The following PIBF1 variants were observed in gnomAD, a reference collection of about 807,000 sequenced individuals.
PIBF1 encodes the protein progesterone-induced-blocking factor 1.
PIBF1 carries 90 observed loss-of-function variants against 112.5 expected under a neutral mutation model. The ratio of observed to expected loss-of-function variants is 0.80; its 90% confidence interval spans 0.67 to 0.95. PIBF1 has a LOEUF of 0.95. PIBF1 is among the 40% of genes least tolerant of loss of function. The probability of loss-of-function intolerance (pLI) is 0.00; values close to 1 mark genes in which losing one functional copy is unlikely to be tolerated. For synonymous variants in PIBF1, 301 were observed against 288.6 expected, an observed-to-expected ratio of 1.04 and a Z score of -0.44; for missense variants, 915 against 852.3, an observed-to-expected ratio of 1.07 and a Z score of -0.92.
At chr13:72,966,474 T>C (rs1426951609) in intron 15 of PIBF1, among the ~76,000 whole-genome samples, 1 of 152,164 alleles carries the variant, frequency 6.6e-6, no homozygotes, top group African/African-American at 2.4e-5. Context: ...AATAATAAAT[T>C]AATTGTTCTA....
intron 14 of PIBF1, among the ~76,000 whole-genome samples, chr13:72,948,908 G>T (rs894492840): frequency 1.3e-5 from 2 of 152,130 alleles, no homozygotes; most frequent in African/African-American, 4.8e-5. Context: ...CCTCCCACCA[G>T]GTTCTTCTGA....
At chr13:72,918,996 G>A (rs866151637) in intron 13 of PIBF1, among the ~76,000 whole-genome samples, 2 of 152,118 alleles carry the variant, frequency 1.3e-5, no homozygotes, top group Non-Finnish European at 2.9e-5. Context: ...GAGCTACCAC[G>A]CCGTGCCAAC....
chr13:72,860,951 C>G (rs930340061), intron 10 of PIBF1, among the ~76,000 whole-genome samples: 1 of 152,072 alleles, frequency 6.6e-6, no homozygotes, highest in Non-Finnish European at 1.5e-5. Context: ...TGCATGTACT[C>G]CTAAGATTCT....
At chr13:72,859,379 C>G (rs2038591770) in intron 10 of PIBF1, among the ~76,000 whole-genome samples, 2 of 152,014 alleles carry the variant, frequency 1.3e-5, no homozygotes, top group Admixed American at 1.3e-4. Context: ...AATTCAAGGC[C>G]AGGTAAATGG....
At chr13:72,877,729 C>G (rs1475374035) in intron 10 of PIBF1, among the ~76,000 whole-genome samples, 2 of 150,428 alleles carry the variant, frequency 1.3e-5, no homozygotes, top group African/African-American at 4.9e-5. Flanking sequence ...ACCACTGTTT[C>G]ATTTCTTTTT....
chr13:72,965,218 T>C (rs2042708379), intron 14 of PIBF1, 56 bp from the exon 15 acceptor site: 2 of 1,483,418 alleles, frequency 1.3e-6, no homozygotes, highest in Non-Finnish European at 1.9e-6. Context: ...GCATTTTGAA[T>C]GATTTTATTT....
At chr13:72,917,018 C>A in intron 12 of PIBF1, 58 bp from the exon 13 acceptor site, 1 of 1,108,646 alleles carries the variant, frequency 9.0e-7, no homozygotes, top group East Asian at 2.6e-5. Flanking sequence ...TCACTTCTGC[C>A]ATCTTTTTTA....
intron 10 of PIBF1, chr13:72,881,018 A>G (rs184015657): frequency 6.6e-6 from 1 of 152,330 alleles, no homozygotes; most frequent in East Asian, 1.9e-4. Flanking sequence ...TAAAGCAACT[A>G]GACAAGGAAA....
At position 72,797,885 on chromosome 13, in the gene PIBF1, TATTA is replaced by T. The variant is rs2035273124; in HGVS notation, c.553-18_553-15del. 2.6e-6 allele frequency: 4 copies of T among 1,566,360 alleles called. No homozygotes were observed. The highest frequency in any genetic ancestry group is 1.2e-5 in the South Asian group (1 of 83,290). ...ATTGTAATTTGGATTTAAGACTGCT[TATTA>T]ATTTAATTTTTTTCAAGGTTCGCTT... On this transcript the variant is annotated intron_variant, in intron 4 of 17. Transcript: ENST00000326291.
intron 9 of PIBF1, among the ~76,000 whole-genome samples, chr13:72,839,505 TAGAG>T (rs2037509406): frequency 6.6e-6 from 1 of 152,174 alleles, no homozygotes; most frequent in Admixed American, 6.5e-5. Flanking sequence ...ATCTGGGAAT[TAGAG>T]AGGCCTGTGG....
chr13:72,855,641 T>G (rs1213210188), intron 10 of PIBF1, among the ~76,000 whole-genome samples: 4 of 152,040 alleles, frequency 2.6e-5, no homozygotes, highest in Non-Finnish European at 5.9e-5. Context: ...AGAGTGAGAC[T>G]CTGTCTCAAA....
At chr13:72,818,578 A>G (rs1023706981) in intron 5 of PIBF1, among the ~76,000 whole-genome samples, 12 of 151,190 alleles carry the variant, frequency 7.9e-5, no homozygotes, top group Admixed American at 2.0e-4. Context: ...TCTGCTTTCA[A>G]CTTGTCTTTA....
chr13:72,875,792 T>A (rs2039371587), intron 10 of PIBF1, among the ~76,000 whole-genome samples: 1 of 152,204 alleles, frequency 6.6e-6, no homozygotes, highest in Admixed American at 6.5e-5. Context: ...GGGTTGTTTG[T>A]TATCTTGTTG....
chr13:73,002,657 T>C (rs1420476061), intron 17 of PIBF1, among the ~76,000 whole-genome samples: 1 of 152,136 alleles, frequency 6.6e-6, no homozygotes, highest in Non-Finnish European at 1.5e-5. Flanking sequence ...AACTCTACTT[T>C]TAGTCTTTTC....
intron 10 of PIBF1, among the ~76,000 whole-genome samples, chr13:72,874,569 G>C (rs2039314434): frequency 6.6e-6 from 1 of 152,178 alleles, no homozygotes. Context: ...CCAAGAGCCA[G>C]GGGTGGAATG....
At chr13:72,897,648 C>T (rs1461407217) in intron 11 of PIBF1, among the ~76,000 whole-genome samples, 1 of 152,104 alleles carries the variant, frequency 6.6e-6, no homozygotes, top group African/African-American at 2.4e-5. Flanking sequence ...ACACCAAAAG[C>T]GAGCAGGGGT....
At chr13:72,794,076 A>G (rs994389908) in intron 3 of PIBF1, among the ~76,000 whole-genome samples, 1 of 152,180 alleles carries the variant, frequency 6.6e-6, no homozygotes, top group Non-Finnish European at 1.5e-5. Context: ...CTGAGAAGGA[A>G]CCACAGTAAA....
At chr13:72,982,807 C>CTGTA (rs756908059) in intron 16 of PIBF1, among the ~76,000 whole-genome samples, 19 of 152,180 alleles carry the variant, frequency 1.2e-4, no homozygotes, top group Admixed American at 3.3e-4. Flanking sequence ...AGAAGCTCTC[C>CTGTA]TGTATCCAAG....
At chr13:72,832,773 C>CT (rs1195919703) in intron 8 of PIBF1, among the ~76,000 whole-genome samples, 4 of 152,138 alleles carry the variant, frequency 2.6e-5, no homozygotes, top group African/African-American at 9.7e-5. Flanking sequence ...CAACAAGTAT[C>CT]TTTGTCGTGT....
Sources: gnomAD v4.1 joint callset for allele counts (sites outside exome capture counted in the v4.1 genomes callset) on GRCh38, gnomAD v4.1.1 for gene constraint, MANE v1.5 for transcripts, NCBI Gene and HGNC (gene_info 2026-07-23, HGNC 2026-07-21) for gene names.